Variants in ROBO1 observed in about 807,000 individuals in gnomAD.
ROBO1 encodes the protein roundabout homolog 1.
In ROBO1, 149 loss-of-function variants were observed where a neutral mutation model predicts 195.9. The observed-to-expected ratio is 0.76, with a 90% CI of 0.67 to 0.87. ROBO1 has a LOEUF of 0.87. Ranked by LOEUF, ROBO1 falls within the 40% of genes least tolerant of loss-of-function variation. The pLI, the probability that ROBO1 is intolerant of heterozygous loss-of-function variation, is 0.00. For synonymous variants in ROBO1, 816 were observed against 733.2 expected (o/e 1.11, Z -1.82); for missense variants, 1,933 against 2,068.3 (o/e 0.93, Z 1.27).
At chr3:78,847,501 A>G (rs911027096) in intron 4 of ROBO1, among the ~76,000 whole-genome samples, 7 of 152,156 alleles carry the variant, frequency 4.6e-5, no homozygotes, top group Non-Finnish European at 8.8e-5. Context: ...AGGAACCTGT[A>G]AGGGAAGCTA....
intron 4 of ROBO1, among the ~76,000 whole-genome samples, chr3:78,921,780 A>G (rs2038949081): frequency 6.6e-6 from 1 of 151,948 alleles, no homozygotes; most frequent in South Asian, 2.1e-4. Flanking sequence ...AACAGGAAAC[A>G]GCTCTAACAA....
At chr3:79,035,023 A>G (rs2078358642) in intron 3 of ROBO1, among the ~76,000 whole-genome samples, 1 of 152,138 alleles carries the variant, frequency 6.6e-6, no homozygotes, top group Non-Finnish European at 1.5e-5. Flanking sequence ...TAAAAATAAG[A>G]AAGATACAAT....
At chr3:78,665,339 C>T (rs1354567409) in intron 14 of ROBO1, among the ~76,000 whole-genome samples, 1 of 152,166 alleles carries the variant, frequency 6.6e-6, no homozygotes, top group Non-Finnish European at 1.5e-5. Context: ...ATTTTAAAGT[C>T]AGATCACTCC....
chr3:79,455,833 C>T (rs2107226211), intron 2 of ROBO1, among the ~76,000 whole-genome samples: 1 of 152,236 alleles, frequency 6.6e-6, no homozygotes, highest in South Asian at 2.1e-4. Context: ...ATGGCACATA[C>T]ATAGCTCTAA....
intron 2 of ROBO1, among the ~76,000 whole-genome samples, chr3:79,505,709 T>C (rs1940355409): frequency 6.6e-6 from 1 of 152,200 alleles, no homozygotes; most frequent in African/African-American, 2.4e-5. Context: ...CAAACGTAGA[T>C]TACTGTCTTG....
At chr3:79,407,370 C>A (rs544772834) in intron 2 of ROBO1, among the ~76,000 whole-genome samples, 58 of 152,120 alleles carry the variant, frequency 3.8e-4, no homozygotes, top group Non-Finnish European at 6.9e-4. Flanking sequence ...CCTTATTTCC[C>A]GATAATATAA....
intron 2 of ROBO1, among the ~76,000 whole-genome samples, chr3:79,167,367 A>C (rs1373247461): frequency 6.6e-6 from 1 of 152,182 alleles, no homozygotes; most frequent in Non-Finnish European, 1.5e-5. Context: ...CAGAGAATTT[A>C]GCCTTCTGTT....
In ROBO1 at chr3:78,776,785, A is replaced by G. The variant is rs2083519754; in HGVS notation, c.500-29885T>C. Among the ~76,000 whole-genome samples, 13 of 152,324 alleles carry G rather than the reference A, an allele frequency of 8.5e-5. No homozygotes were observed. The South Asian group carries it at 2.5e-3, about 29-fold the overall frequency. ...AACTTAGCTCTGTCATTTACTTAGT[A>G]TCTGGCTTTGGACAAGTTTCTGAAC... On this transcript the variant is annotated intron_variant, in intron 4 of 30. Transcript: ENST00000464233.
At chr3:79,103,020 T>C (rs1426793986) in intron 3 of ROBO1, among the ~76,000 whole-genome samples, 1 of 151,808 alleles carries the variant, frequency 6.6e-6, no homozygotes, top group Admixed American at 6.6e-5. Flanking sequence ...GTTCGTCTAA[T>C]ATGATTCTAA....
At chr3:79,135,804 A>T (rs960732021) in intron 2 of ROBO1, among the ~76,000 whole-genome samples, 5 of 151,900 alleles carry the variant, frequency 3.3e-5, no homozygotes, top group African/African-American at 1.2e-4. Context: ...CGCCCGGCTA[A>T]TTTTGTATTT....
chr3:78,688,804 A>C, intron 8 of ROBO1, 32 bp from the exon 9 acceptor site: 1 of 1,590,606 alleles, frequency 6.3e-7, no homozygotes, highest in South Asian at 1.2e-5. Context: ...ACACCGAATT[A>C]AAAGCACGTT....
chr3:78,869,899 A>G (rs2035445740), intron 4 of ROBO1, among the ~76,000 whole-genome samples: 1 of 152,218 alleles, frequency 6.6e-6, no homozygotes, highest in African/African-American at 2.4e-5. Flanking sequence ...AGTAAGCACT[A>G]GAAATTATTG....
At chr3:79,383,664 T>C (rs2036644344) in intron 2 of ROBO1, among the ~76,000 whole-genome samples, 1 of 152,082 alleles carries the variant, frequency 6.6e-6, no homozygotes, top group Admixed American at 6.6e-5. Context: ...TCACTATTAA[T>C]CTACCAAAAA....
chr3:79,560,282 G>A (rs1189703927), intron 2 of ROBO1, among the ~76,000 whole-genome samples: 2 of 145,168 alleles, frequency 1.4e-5, no homozygotes, highest in Admixed American at 7.1e-5. Context: ...CTATCGCAAG[G>A]ACAAAAAACC....
chr3:79,749,501 T>C (rs1183661756), intron 1 of ROBO1, among the ~76,000 whole-genome samples: 1 of 152,188 alleles, frequency 6.6e-6, no homozygotes, highest in Admixed American at 6.5e-5. Context: ...CTCCAGGGCA[T>C]GTCAGAGGTC....
intron 2 of ROBO1, among the ~76,000 whole-genome samples, chr3:79,364,236 GTA>G (rs752125262): frequency 2.4e-4 from 35 of 146,804 alleles, no homozygotes; most frequent in Admixed American, 9.6e-4. Context: ...ATGTGTGTGT[GTA>G]TATATATATA....
At chr3:78,660,906 T>C (rs1707351353) in intron 16 of ROBO1, 124 bp downstream of exon 16, 2 of 707,194 alleles carry the variant, frequency 2.8e-6, no homozygotes, top group Non-Finnish European at 4.5e-6. Flanking sequence ...GCAAAATGTA[T>C]GTTCAATATC....
At chr3:79,338,625 G>C (rs1426384529) in intron 2 of ROBO1, among the ~76,000 whole-genome samples, 2 of 152,002 alleles carry the variant, frequency 1.3e-5, no homozygotes, top group South Asian at 2.1e-4. Flanking sequence ...TTGAATGCTA[G>C]GACATTGTCT....
chr3:79,313,162 G>A (rs1481283481), intron 2 of ROBO1, among the ~76,000 whole-genome samples: 4 of 149,968 alleles, frequency 2.7e-5, no homozygotes, highest in African/African-American at 9.9e-5. Context: ...ACTCCAGCCT[G>A]GGTGACAGAG....
Sources: allele counts gnomAD v4.1 joint callset (sites outside exome capture counted in the v4.1 genomes callset), GRCh38; gene constraint gnomAD v4.1.1; transcripts MANE v1.5; gene names NCBI Gene and HGNC (gene_info 2026-07-23, HGNC 2026-07-21).